Variants in MACROD2 observed in about 807,000 individuals in gnomAD.
MACROD2 encodes the protein ADP-ribose glycohydrolase MACROD2.
In MACROD2, 36 loss-of-function variants were observed where a neutral mutation model predicts 70.4. The ratio of observed to expected loss-of-function variants is 0.51; its 90% confidence interval spans 0.39 to 0.68. MACROD2 has a LOEUF of 0.68. MACROD2 is among the 30% of genes least tolerant of loss of function. The pLI is 0.00. For synonymous variants in MACROD2, 172 were observed against 178.8 expected (o/e 0.96, Z 0.30); for missense variants, 496 against 538.4 (o/e 0.92, Z 0.78).
chr20:15,208,552 AC>A (rs1427605480), intron 5 of MACROD2, among the ~76,000 whole-genome samples: 1 of 152,162 alleles, frequency 6.6e-6, no homozygotes, highest in Non-Finnish European at 1.5e-5. Context: ...TTTCTCTGAA[AC>A]TGTATCACAC....
In MACROD2 at chr20:15,261,574, C is replaced by A. The variant is rs569902105; in HGVS notation, c.540+31513C>A. Among the ~76,000 whole-genome samples the A allele has an allele frequency of 1.8e-4, 28 of 151,962 alleles. No homozygotes were observed. In the South Asian group the frequency reaches 5.6e-3, roughly 30 times the overall value. On this transcript the variant is annotated intron_variant, in intron 6 of 17. Transcript: ENST00000684519. The stretch of plus-strand genomic sequence containing the variant: ...TTTTTATTTTACTTTCTCAATTTTT[C>A]TTTTTAGGTCATTTAAACATCTTGG...
At chr20:15,205,893 A>G (rs1405154399) in intron 5 of MACROD2, among the ~76,000 whole-genome samples, 1 of 152,206 alleles carries the variant, frequency 6.6e-6, no homozygotes. Flanking sequence ...GCTGAGACAT[A>G]TTGTTTTGGG....
chr20:14,575,209 C>A (rs1338055987), intron 4 of MACROD2, among the ~76,000 whole-genome samples: 4 of 151,024 alleles, frequency 2.6e-5, no homozygotes, highest in Admixed American at 6.6e-5. Context: ...ATAATAAACC[C>A]ATTATATTAG....
At chr20:15,590,551 T>C (rs2048663304) in intron 8 of MACROD2, among the ~76,000 whole-genome samples, 1 of 152,198 alleles carries the variant, frequency 6.6e-6, no homozygotes, top group African/African-American at 2.4e-5. Flanking sequence ...TCAACATGAA[T>C]TTCTAGTTAG....
intron 5 of MACROD2, among the ~76,000 whole-genome samples, chr20:15,150,090 G>A (rs2083067): frequency 0.2 from 30,364 of 151,942 alleles, 4,182 homozygotes; most frequent in Non-Finnish European, 0.3. Flanking sequence ...GGACACTATC[G>A]GCAGGGAGAG....
At chr20:14,271,072 C>A (rs1448627619) in intron 3 of MACROD2, among the ~76,000 whole-genome samples, 1 of 152,226 alleles carries the variant, frequency 6.6e-6, no homozygotes, top group Non-Finnish European at 1.5e-5. Flanking sequence ...AGGGCACAGA[C>A]AAACAAAAAG....
At chr20:14,745,090 G>A (rs1372414915) in intron 5 of MACROD2, among the ~76,000 whole-genome samples, 1 of 152,062 alleles carries the variant, frequency 6.6e-6, no homozygotes, top group Non-Finnish European at 1.5e-5. Context: ...TGAATCATTT[G>A]TTGCCTTTGG....
At chr20:14,533,547 G>A (rs1205279767) in intron 4 of MACROD2, among the ~76,000 whole-genome samples, 1 of 152,036 alleles carries the variant, frequency 6.6e-6, no homozygotes, top group Non-Finnish European at 1.5e-5. Flanking sequence ...CTTGAAAAAA[G>A]AAAAAGAGGA....
At chr20:14,760,334 TG>T (rs996532196) in intron 5 of MACROD2, among the ~76,000 whole-genome samples, 23 of 152,204 alleles carry the variant, frequency 1.5e-4, no homozygotes, top group African/African-American at 5.3e-4. Flanking sequence ...TCACTTACTC[TG>T]GGGGTATCTG....
intron 5 of MACROD2, among the ~76,000 whole-genome samples, chr20:14,801,471 AT>A (rs2072574753): frequency 6.6e-6 from 1 of 152,080 alleles, no homozygotes; most frequent in Non-Finnish European, 1.5e-5. Context: ...TTCCCCAGAG[AT>A]TTTTTTAAGA....
intron 5 of MACROD2, among the ~76,000 whole-genome samples, chr20:14,765,028 C>T (rs1027179479): frequency 3.9e-4 from 59 of 152,146 alleles, no homozygotes; most frequent in African/African-American, 1.0e-3. Flanking sequence ...CCAGCTGAAC[C>T]GGTACCTAGT....
At chr20:15,585,189 T>C (rs1477388648) in intron 8 of MACROD2, among the ~76,000 whole-genome samples, 1 of 149,240 alleles carries the variant, frequency 6.7e-6, no homozygotes, top group Non-Finnish European at 1.5e-5. Flanking sequence ...TCTTTTTTCT[T>C]CTTCTTTTTT....
chr20:14,249,630 T>C (rs928312099), intron 3 of MACROD2, among the ~76,000 whole-genome samples: 2 of 152,176 alleles, frequency 1.3e-5, no homozygotes, highest in Admixed American at 1.3e-4. Context: ...TCTCATGAGA[T>C]CTGCCATCAA....
intron 5 of MACROD2, among the ~76,000 whole-genome samples, chr20:15,139,269 G>A (rs1390567754): frequency 1.3e-5 from 2 of 152,124 alleles, no homozygotes; most frequent in African/African-American, 4.8e-5. Flanking sequence ...GGAAGAGCAG[G>A]GAGTATATAA....
At chr20:14,446,581 A>T (rs1327421995) in intron 3 of MACROD2, among the ~76,000 whole-genome samples, 1 of 152,058 alleles carries the variant, frequency 6.6e-6, no homozygotes, top group Non-Finnish European at 1.5e-5. Context: ...TGACTTCTAC[A>T]CTTATGTCTC....
chr20:14,453,109 T>C (rs1341588184), intron 3 of MACROD2, among the ~76,000 whole-genome samples: 1 of 152,166 alleles, frequency 6.6e-6, no homozygotes, highest in Non-Finnish European at 1.5e-5. Flanking sequence ...TTTTCTGTTC[T>C]AACATGAGAA....
At chr20:15,662,019 T>C (rs1459317349) in intron 8 of MACROD2, among the ~76,000 whole-genome samples, 2 of 152,212 alleles carry the variant, frequency 1.3e-5, no homozygotes, top group Non-Finnish European at 2.9e-5. Context: ...TACCACTTGT[T>C]ACCCATTCTT....
chr20:14,399,612 A>C (rs753929952), intron 3 of MACROD2, among the ~76,000 whole-genome samples: 4 of 152,122 alleles, frequency 2.6e-5, no homozygotes, highest in Non-Finnish European at 4.4e-5. Flanking sequence ...AGTTGTCATG[A>C]AATTTGAACA....
intron 5 of MACROD2, among the ~76,000 whole-genome samples, chr20:14,747,623 T>G (rs575630071): frequency 2.0e-5 from 3 of 152,136 alleles, no homozygotes; most frequent in Admixed American, 6.5e-5. Context: ...TCATTTTTTC[T>G]GCCATTTTTT....
Sources: allele counts gnomAD v4.1 joint callset (sites outside exome capture counted in the v4.1 genomes callset), GRCh38; gene constraint gnomAD v4.1.1; transcripts MANE v1.5; gene names NCBI Gene and HGNC (gene_info 2026-07-23, HGNC 2026-07-21).